The following RBFOX1 variants were observed in gnomAD, a reference collection of about 807,000 sequenced individuals.
The protein encoded by RBFOX1 is RNA binding protein fox-1 homolog 1.
Under a neutral mutation model 57.7 loss-of-function variants are expected in RBFOX1, and 8 were observed. The observed-to-expected ratio is 0.14, with a 90% CI of 0.08 to 0.25. The LOEUF (loss-of-function observed/expected upper bound fraction) is 0.25, where lower values mean the gene tolerates loss of function less well. Ranked by LOEUF, RBFOX1 falls within the 10% of genes least tolerant of loss-of-function variation. RBFOX1 has a pLI of 1.00. For synonymous variants in RBFOX1, 326 were observed against 222.4 expected, an observed-to-expected ratio of 1.47 and a Z score of -4.15; for missense variants, 611 against 548.5, an observed-to-expected ratio of 1.11 and a Z score of -1.14.
chr16:6,134,127 G>C (rs754430448), intron 1 of RBFOX1, among the ~76,000 whole-genome samples: 1 of 151,918 alleles, frequency 6.6e-6, no homozygotes, highest in African/African-American at 2.4e-5. Flanking sequence ...AGGAGAGACA[G>C]GGTTTCACCA....
chr16:6,293,989 C>A (rs1034499040), intron 1 of RBFOX1, among the ~76,000 whole-genome samples: 1 of 152,060 alleles, frequency 6.6e-6, no homozygotes, highest in Admixed American at 6.6e-5. Context: ...GTAATGTTTG[C>A]CTTATCCTCT....
chr16:5,886,994 G>T (rs2057915766), intron 4 of RBFOX1, among the ~76,000 whole-genome samples: 1 of 152,196 alleles, frequency 6.6e-6, no homozygotes, highest in South Asian at 2.1e-4. Flanking sequence ...CCAGCCAATT[G>T]TTGTGGGGAG....
At chr16:6,787,020 G>C (rs1223558575) in intron 3 of RBFOX1, among the ~76,000 whole-genome samples, 1 of 152,156 alleles carries the variant, frequency 6.6e-6, no homozygotes, top group African/African-American at 2.4e-5. Flanking sequence ...TTGGGGTTCA[G>C]GTTGGAATGT....
chr16:5,697,333 A>G (rs543759567), intron 3 of RBFOX1, among the ~76,000 whole-genome samples: 3 of 151,696 alleles, frequency 2.0e-5, no homozygotes, highest in Admixed American at 6.6e-5. Context: ...GGAAAAGTAT[A>G]TAATTTATAG....
intron 3 of RBFOX1, among the ~76,000 whole-genome samples, chr16:6,770,680 G>A (rs554696298): frequency 6.6e-6 from 1 of 152,224 alleles, no homozygotes; most frequent in South Asian, 2.1e-4. Flanking sequence ...AGTCCACAAA[G>A]TTCTCCGTCT....
intron 2 of RBFOX1, among the ~76,000 whole-genome samples, chr16:5,543,445 T>C (rs2045051293): frequency 6.6e-6 from 1 of 152,048 alleles, no homozygotes; most frequent in Non-Finnish European, 1.5e-5. Context: ...ACAAAAAAGA[T>C]GAGTGAACAT....
intron 3 of RBFOX1, among the ~76,000 whole-genome samples, chr16:6,739,255 G>A (rs2071339827): frequency 1.3e-5 from 2 of 151,476 alleles, no homozygotes; most frequent in Non-Finnish European, 2.9e-5. Flanking sequence ...AAAAAAGAAG[G>A]GAATAATTAC....
intron 3 of RBFOX1, among the ~76,000 whole-genome samples, chr16:6,878,348 A>G (rs371495408): frequency 2.6e-5 from 4 of 152,198 alleles, no homozygotes; most frequent in African/African-American, 7.2e-5. Flanking sequence ...TGCTGATGCA[A>G]GAGTTTCTAG....
At chr16:7,227,549 G>A (rs1490202956) in intron 4 of RBFOX1, among the ~76,000 whole-genome samples, 2 of 152,162 alleles carry the variant, frequency 1.3e-5, no homozygotes, top group African/African-American at 2.4e-5. Context: ...TTCCCTGGGG[G>A]CAGCTTTCGG....
chr16:5,520,138 C>T (rs1378621744), intron 2 of RBFOX1, among the ~76,000 whole-genome samples: 1 of 152,022 alleles, frequency 6.6e-6, no homozygotes, highest in Admixed American at 6.6e-5. Flanking sequence ...TTGTGTGTAA[C>T]CCCAGAGGGG....
intron 1 of RBFOX1, among the ~76,000 whole-genome samples, chr16:5,391,983 C>T (rs541182400): frequency 4.0e-4 from 60 of 151,816 alleles, no homozygotes; most frequent in Non-Finnish European, 2.6e-4. Context: ...GCATTCACAG[C>T]GACCTGGATG....
At chr16:6,117,171 A>T (rs898923357) in intron 1 of RBFOX1, among the ~76,000 whole-genome samples, 7 of 152,164 alleles carry the variant, frequency 4.6e-5, no homozygotes, top group African/African-American at 1.7e-4. Context: ...AATGAACGGG[A>T]TTCCCTGTGA....
chr16:6,367,938 T>C (rs2089899771), intron 2 of RBFOX1, among the ~76,000 whole-genome samples: 1 of 151,970 alleles, frequency 6.6e-6, no homozygotes, highest in South Asian at 2.1e-4. Flanking sequence ...GCCCACAGAG[T>C]AGTTTAGGAC....
intron 2 of RBFOX1, among the ~76,000 whole-genome samples, chr16:6,421,467 T>G (rs77484020): frequency 6.6e-6 from 1 of 152,208 alleles, no homozygotes; most frequent in Non-Finnish European, 1.5e-5. Context: ...ATCAGAATTT[T>G]GTCGTCAGGG....
intron 4 of RBFOX1, among the ~76,000 whole-genome samples, chr16:7,439,743 C>T (rs2098751152): frequency 6.6e-6 from 1 of 152,154 alleles, no homozygotes; most frequent in Non-Finnish European, 1.5e-5. Flanking sequence ...GTCTTTTCCT[C>T]ATGCATATTC....
chr16:5,686,256 A>G (rs1332548451), intron 3 of RBFOX1, among the ~76,000 whole-genome samples: 1 of 152,134 alleles, frequency 6.6e-6, no homozygotes, highest in Non-Finnish European at 1.5e-5. Flanking sequence ...GGGTAAATGG[A>G]ACTGGGCACT....
At chr16:7,040,468 T>A (rs1409035370) in intron 3 of RBFOX1, among the ~76,000 whole-genome samples, 1 of 152,200 alleles carries the variant, frequency 6.6e-6, no homozygotes, top group Non-Finnish European at 1.5e-5. Flanking sequence ...GCTCTTAGTA[T>A]GAATTTATAA....
intron 3 of RBFOX1, among the ~76,000 whole-genome samples, chr16:6,896,783 T>G (rs1311126802): frequency 6.6e-6 from 1 of 152,102 alleles, no homozygotes; most frequent in African/African-American, 2.4e-5. Context: ...CAAATGTACA[T>G]GAGAGGTGGG....
intron 12 of RBFOX1, among the ~76,000 whole-genome samples, chr16:7,660,891 C>T (rs1016676925): frequency 6.6e-6 from 1 of 152,158 alleles, no homozygotes; most frequent in Non-Finnish European, 1.5e-5. Flanking sequence ...TGGAGCCGGA[C>T]CCCCTGGGCT....
Sources: gnomAD v4.1 joint callset for allele counts (sites outside exome capture counted in the v4.1 genomes callset) on GRCh38, gnomAD v4.1.1 for gene constraint, MANE v1.5 for transcripts, NCBI Gene and HGNC (gene_info 2026-07-23, HGNC 2026-07-21) for gene names.